Variants in PTCHD1 observed in about 807,000 individuals in gnomAD.
PTCHD1 encodes the protein patched domain containing 1.
Under a neutral mutation model 34.6 loss-of-function variants are expected in PTCHD1, and 3 were observed. The ratio of observed to expected loss-of-function variants is 0.09; its 90% CI spans 0.04 to 0.22. The LOEUF (loss-of-function observed/expected upper bound fraction) is 0.22. Ranked by LOEUF, PTCHD1 falls within the 10% of genes least tolerant of loss-of-function variation. PTCHD1 has a pLI of 1.00. For synonymous variants in PTCHD1, 305 were observed against 283.1 expected (o/e 1.08, Z -0.77); for missense variants, 504 against 685.5 (o/e 0.74, Z 2.96).
chrX:23,364,529 G>GA (rs1256444958), intron 1 of PTCHD1, among the ~76,000 whole-genome samples: 1 of 110,638 alleles, frequency 9.0e-6, no homozygotes, highest in Admixed American at 9.6e-5. Flanking sequence ...AATCTTGGCA[G>GA]ACAAATCAGC....
chrX:23,347,036 T>A (rs1484249123), intron 1 of PTCHD1, among the ~76,000 whole-genome samples: 1 of 111,936 alleles, frequency 8.9e-6, no homozygotes, highest in Non-Finnish European at 1.9e-5. Context: ...TAACAAATGC[T>A]TACTCTCCAG....
Position 23,394,016 on chromosome X carries a change from T to C in PTCHD1, c.2498T>C (p.Val833Ala). The C allele has an allele frequency of 8.3e-7, 1 of 1,210,636 alleles. No homozygotes were observed. Among genetic ancestry groups the C allele is most frequent in the Non-Finnish European group, 1.1e-6 (1 of 895,048 alleles). The change falls in exon 3 of 3, where the codon GTC (valine) becomes GCC (alanine). Residue 833 changes from valine (V) to alanine (A), a missense_variant. Coordinates refer to ENST00000379361, the MANE Select transcript of PTCHD1 (RefSeq NM_173495.3). ...AGGTGCTTGTTTTTAATAGCATTTG[T>C]CACCTTCTTTCACTGCTTTGCCATT... ...LFRCLFLIAFVTFFHCFAILP... is the reference protein window; with the variant it reads ...LFRCLFLIAFATFFHCFAILP...
In PTCHD1 at chrX:23,393,583, A is replaced by G. The variant is rs1019045297; in HGVS notation, c.2065A>G (p.Met689Val). ...CGTCTTCAATCCGTCCTTTGTATAC[A>G]TGGATCGATATGCCTCCTCTCTGGG... The part of the protein sequence containing the change: ...FIVFNPSFVY[M>V]DRYASSLGAP... The change falls in exon 3 of 3, where the codon ATG becomes GTG. Residue 689 changes from methionine (M) to valine (V), a missense_variant. Physicochemically the swap from Met to Val is conservative, Grantham distance 21. Transcript: ENST00000379361. 3 of 1,210,189 alleles carry G rather than the reference A, an allele frequency of 2.5e-6. No individual in the cohort carries two copies. The highest frequency in any genetic ancestry group is 3.4e-6 in the Non-Finnish European group (3 of 894,406).
At chrX:23,335,986 A>G (rs935070406) in intron 1 of PTCHD1, among the ~76,000 whole-genome samples, 1 of 111,844 alleles carries the variant, frequency 8.9e-6, no homozygotes, top group Non-Finnish European at 1.9e-5. Context: ...ATTTGGGTGC[A>G]TCTGAGCATG....
intron 1 of PTCHD1, among the ~76,000 whole-genome samples, chrX:23,362,006 T>G (rs1921999233): frequency 8.9e-6 from 1 of 112,786 alleles, no homozygotes. Flanking sequence ...GTAGAGTTTC[T>G]GCGGAGAGAT....
At chrX:23,345,414 T>C (rs1921447757) in intron 1 of PTCHD1, among the ~76,000 whole-genome samples, 1 of 112,357 alleles carries the variant, frequency 8.9e-6, no homozygotes, top group Admixed American at 9.4e-5. Context: ...ATGCTACTGG[T>C]CTGCAGACCA....
chrX:23,341,852 T>C (rs1921318984), intron 1 of PTCHD1, among the ~76,000 whole-genome samples: 1 of 112,505 alleles, frequency 8.9e-6, no homozygotes, highest in African/African-American at 3.2e-5. Flanking sequence ...ATCTTCTTGC[T>C]CTCTAAGAAA....
At chrX:23,352,135 A>G (rs1165674530) in intron 1 of PTCHD1, among the ~76,000 whole-genome samples, 1 of 112,117 alleles carries the variant, frequency 8.9e-6, no homozygotes, top group Non-Finnish European at 1.9e-5. Flanking sequence ...TGATTTTCAC[A>G]GGAGGGCGAG....
chrX:23,334,762 CCG>C, upstream of PTCHD1: 2 of 154,364 alleles, frequency 1.3e-5, no homozygotes, highest in African/African-American at 6.7e-5. Context: ...GCCGCCGCCG[CCG>C]TCGCCGCCGC....
intron 1 of PTCHD1, among the ~76,000 whole-genome samples, chrX:23,374,029 A>C (rs1922338420): frequency 9.1e-6 from 1 of 109,895 alleles, no homozygotes; most frequent in Non-Finnish European, 1.9e-5. Context: ...AAGAAGTGGG[A>C]AGGGGGTGGA....
intron 1 of PTCHD1, among the ~76,000 whole-genome samples, chrX:23,354,566 T>G (rs886267274): frequency 3.0e-5 from 3 of 99,987 alleles, no homozygotes; most frequent in Admixed American, 1.1e-4. Context: ...GGGAACAAGG[T>G]GAAATTCTTT....
At chrX:23,334,831 C>G (rs1219854001), upstream of PTCHD1, 5 of 934,458 alleles carry the variant, frequency 5.4e-6, no homozygotes, top group Non-Finnish European at 6.9e-6. Context: ...CGAACCCGCG[C>G]CGAGCGTGCG....
At chrX:23,365,634 A>G (rs962298691) in intron 1 of PTCHD1, among the ~76,000 whole-genome samples, 1 of 111,745 alleles carries the variant, frequency 8.9e-6, no homozygotes, top group Non-Finnish European at 1.9e-5. Flanking sequence ...GATCCCACCC[A>G]TGGGGAGGGA....
intron 1 of PTCHD1, among the ~76,000 whole-genome samples, chrX:23,353,620 A>C (rs1252076490): frequency 8.9e-6 from 1 of 111,758 alleles, no homozygotes; most frequent in Non-Finnish European, 1.9e-5. Flanking sequence ...AAAAAAAAAA[A>C]ACGTAAGCTA....
intron 1 of PTCHD1, among the ~76,000 whole-genome samples, chrX:23,366,339 G>A (rs1317187019): frequency 2.7e-5 from 3 of 112,030 alleles, no homozygotes; most frequent in Admixed American, 9.4e-5. Flanking sequence ...TGACTGGCTC[G>A]CAGTTGCCCA....
At chrX:23,380,582 C>T (rs1922536570) in intron 2 of PTCHD1, among the ~76,000 whole-genome samples, 1 of 111,273 alleles carries the variant, frequency 9.0e-6, no homozygotes, top group South Asian at 3.8e-4. Flanking sequence ...GATTTGGATA[C>T]AAGTAGTGTA....
intron 1 of PTCHD1, 135 bp downstream of exon 1, chrX:23,335,361 C>A (rs753516870): frequency 7.2e-4 from 378 of 524,303 alleles, no homozygotes; most frequent in Non-Finnish European, 9.7e-4. Context: ...CTGCACCGCG[C>A]GCCCCAGGGC....
intron 2 of PTCHD1, among the ~76,000 whole-genome samples, chrX:23,389,499 T>A (rs1412295867): frequency 2.7e-5 from 3 of 111,960 alleles, no homozygotes; most frequent in African/African-American, 9.7e-5. Context: ...AGGGCTCTTG[T>A]AAGATGCTGT....
chrX:23,359,074 G>C (rs936562593), intron 1 of PTCHD1, among the ~76,000 whole-genome samples: 3 of 112,367 alleles, frequency 2.7e-5, no homozygotes, highest in African/African-American at 9.7e-5. Context: ...TTTGAAGTCA[G>C]TTAGCGTGAT....
Sources: allele counts gnomAD v4.1 joint callset (sites outside exome capture counted in the v4.1 genomes callset), GRCh38; gene constraint gnomAD v4.1.1; transcripts MANE v1.5; gene names NCBI Gene and HGNC (gene_info 2026-07-23, HGNC 2026-07-21).